The following TRIM41 variants were observed in gnomAD, a reference collection of about 807,000 sequenced individuals.
TRIM41 encodes the protein tripartite motif containing 41, also known as E3 ubiquitin-protein ligase TRIM41.
TRIM41 carries 21 observed loss-of-function variants against 60.6 expected under a neutral mutation model. The observed-to-expected ratio is 0.35, with a 90% CI of 0.25 to 0.50. The LOEUF is 0.50. Among genes scored for constraint, TRIM41 ranks in the 20% least tolerant of loss-of-function variants. TRIM41 has a pLI of 0.98. For missense variants in TRIM41, 846 were observed against 868.3 expected (o/e 0.97, Z 0.32); for synonymous variants, 407 against 344.9 (o/e 1.18, Z -2.00).
chr5:181,224,640 C>T lies in TRIM41; in HGVS notation c.641C>T (p.Thr214Ile). 1.2e-6 allele frequency: 2 copies of T among 1,614,236 alleles called. No individual in the cohort carries two copies. Among genetic ancestry groups the T allele is most frequent in the Non-Finnish European group, 1.7e-6 (2 of 1,180,048 alleles). Reference protein sequence around the residue: ...MVQVIRQMHPTPGRGSRVTDQ... With the variant: ...MVQVIRQMHPIPGRGSRVTDQ... ...CAGGTGATTCGGCAGATGCACCCAA[C>T]CCCTGGTCGAGGGAGCCGCGTGACC... Residue 214 changes from threonine to isoleucine, a missense_variant, in exon 1 of 6, where the codon ACC (threonine) becomes ATC (isoleucine). Transcript: ENST00000315073.
chr5:181,224,248 C>T lies in TRIM41; in HGVS notation c.249C>T (p.Asp83=). Residue 83 remains aspartate (D), a synonymous_variant, in exon 1 of 6, where the codon GAC becomes GAT. Coordinates refer to ENST00000315073, the MANE Select transcript of TRIM41 (RefSeq NM_033549.5). ...VEAVGAGAGW[D]TPMRDEDYEG... is the part of the protein sequence containing the mutation. ...CTGTGGGGGCTGGCGCGGGGTGGGA[C>T]ACCCCCATGCGGGATGAAGACTACG... 1.2e-6 allele frequency: 2 copies of T among 1,613,542 alleles called. No individual in the cohort carries two copies. Among genetic ancestry groups the T allele is most frequent in the Non-Finnish European group, 8.5e-7 (1 of 1,179,804 alleles).
rs1379745138 is a variant in TRIM41 at position 181,230,965 on chromosome 5, T to A, written c.909+126T>A. 6 of 788,600 alleles carry A rather than the reference T, an allele frequency of 7.6e-6. No individual in the cohort carries two copies. The African/African-American group carries it at 1.0e-4, about 14-fold the overall frequency. 48.9% of individuals were successfully genotyped at this position (788,600 alleles called of 1,614,324 possible). A position where few individuals can be genotyped will look rare whatever the true frequency, so the allele number is the denominator to read the frequency against. On this transcript the variant is annotated intron_variant, in intron 2 of 5. Coordinates refer to ENST00000315073, the MANE Select transcript of TRIM41 (RefSeq NM_033549.5). ...GGACAGCTAAGGCCTGGGAGAGGGG[T>A]AGATGCTTTCCCTAGGTGCTGAGGA...
chr5:181,235,082 A>G lies in TRIM41; in HGVS notation c.*307A>G. The G allele has an allele frequency of 1.2e-6, 2 of 1,607,546 alleles. No individual in the cohort carries two copies. The highest frequency in any genetic ancestry group is 8.5e-7 in the Non-Finnish European group (1 of 1,177,486). ...CCAGCCCTGGGACTGGAATTTGAGT[A>G]GGGGATGAGGGGAAATTGTAATTTC... On this transcript the variant is annotated 3_prime_UTR_variant, in exon 6 of 6. Transcript: ENST00000315073.
chr5:181,235,121 C>A lies in TRIM41; in HGVS notation c.*346C>A, dbSNP rs917859212. 3.2e-6 allele frequency: 5 copies of A among 1,581,906 alleles called. No individual in the cohort carries two copies. The African/African-American group carries it at 6.7e-5, about 21-fold the overall frequency. On this transcript the variant is annotated 3_prime_UTR_variant, in exon 6 of 6. Coordinates refer to ENST00000315073, the MANE Select transcript of TRIM41 (RefSeq NM_033549.5). ...AATTGTAATTTCATTCCTTAACTTC[C>A]TTTTCCCCACCCCTGCTCTTCAACC... is the stretch of plus-strand genomic sequence containing the variant.
intron 1 of TRIM41, chr5:181,225,553 AT>A (rs1758510827): frequency 6.6e-6 from 1 of 152,558 alleles, no homozygotes; most frequent in African/African-American, 2.4e-5. Context: ...TATGTTTTCC[AT>A]TCCCATTTTA....
At chr5:181,225,645 T>C (rs2113149840) in intron 1 of TRIM41, 1 of 152,330 alleles carries the variant, frequency 6.6e-6, no homozygotes, top group South Asian at 2.1e-4. Flanking sequence ...ACTTAGTTAT[T>C]TACTGTCCCT....
chr5:181,224,288 G>A lies in TRIM41; in HGVS notation c.289G>A (p.Glu97Lys), dbSNP rs1340472425. 1 of 1,614,200 alleles carries A rather than the reference G, an allele frequency of 6.2e-7. No homozygotes were observed. Among genetic ancestry groups the A allele is most frequent in the African/African-American group, 1.3e-5 (1 of 75,054 alleles). The change falls in exon 1 of 6, where the codon GAG becomes AAG. Residue 97 changes from glutamate (E) to lysine (K), a missense_variant. Physicochemically the swap from Glu to Lys is moderately conservative, Grantham distance 56 (BLOSUM62 1). Transcript: ENST00000315073. Reference sequence around the variant, plus strand: ...TGAAGACTACGAGGGTGACATGGAGGAGGAGGTCGAGGAGGAAGAAGAGGG... The same window carrying A: ...TGAAGACTACGAGGGTGACATGGAGAAGGAGGTCGAGGAGGAAGAAGAGGG... ...RDEDYEGDME[E>K]EVEEEEEGVF...
intron 2 of TRIM41, 78 bp from the exon 3 acceptor site, chr5:181,232,581 G>C: frequency 7.2e-7 from 1 of 1,379,996 alleles, no homozygotes; most frequent in Non-Finnish European, 1.0e-6. Context: ...CTTGCATTGA[G>C]AAGTAGTAGT....
At position 181,224,032 on chromosome 5, in the gene TRIM41, G is replaced by A; in HGVS notation, c.33G>A (p.Val11=). 1.9e-6 allele frequency: 3 copies of A among 1,614,140 alleles called. No individual in the cohort carries two copies. Among genetic ancestry groups the A allele is most frequent in the Non-Finnish European group, 2.5e-6 (3 of 1,180,024 alleles). Residue 11 remains valine (V), a synonymous_variant, in exon 1 of 6, where the codon GTG becomes GTA. Coordinates refer to ENST00000315073, the MANE Select transcript of TRIM41 (RefSeq NM_033549.5). Reference sequence around the variant, plus strand: ...CCGTTGCCATGACACCCAACCCTGTGCAGACCCTTCAGGAGGAGGCGGTGT... The same window carrying A: ...CCGTTGCCATGACACCCAACCCTGTACAGACCCTTCAGGAGGAGGCGGTGT... MAAVAMTPNP[V]QTLQEEAVCA...
At position 181,234,399 on chromosome 5, in the gene TRIM41, C is replaced by T. The variant is rs1758968927; in HGVS notation, c.1517C>T (p.Ser506Leu). The T allele has an allele frequency of 6.4e-7, 1 of 1,558,696 alleles. No individual in the cohort carries two copies. The highest frequency in any genetic ancestry group is 1.4e-5 in the African/African-American group (1 of 73,254). The change falls in exon 6 of 6, where the codon TCA becomes TTA. Residue 506 changes from serine to leucine, a missense_variant. Transcript: ENST00000315073. The surrounding 1 kb of genome is among the most constrained non-coding windows in gnomAD (Gnocchi z 5.6). ...TGGGCGGTGGGTGCTGCCCGTGAAT[C>T]AACCCATCATAAGGAAAAGGTGGGC... Reference protein sequence around the residue: ...RGWAVGAARESTHHKEKVGPG... With the variant: ...RGWAVGAARELTHHKEKVGPG...
rs778188838 is a variant in TRIM41, at chr5:181,234,677, G to A, written c.1795G>A (p.Ala599Thr). Residue 599 changes from alanine (A) to threonine (T), a missense_variant, in exon 6 of 6, where the codon GCC (alanine) becomes ACC (threonine). Transcript: ENST00000315073. The surrounding 1 kb of genome is among the most constrained non-coding windows in gnomAD (Gnocchi z 5.6). The part of the protein sequence containing the change: ...RLGFYNAETL[A>T]HVHTFSAAFL... The stretch of plus-strand genomic sequence containing the variant: ...GGGCTTCTACAACGCAGAGACTCTA[G>A]CCCACGTGCACACCTTCTCGGCTGC... 3 of 1,614,204 alleles carry A rather than the reference G, an allele frequency of 1.9e-6. No individual in the cohort carries two copies. Among genetic ancestry groups the A allele is most frequent in the South Asian group, 2.2e-5 (2 of 91,084 alleles).
rs148929398 is a variant in TRIM41 at position 181,234,751 on chromosome 5, C to T, written c.1869C>T (p.Gly623=). 109 of 1,612,870 alleles carry T rather than the reference C, an allele frequency of 6.8e-5. No individual in the cohort carries two copies. In the Middle Eastern group the frequency reaches 1.3e-3, roughly 19 times the overall value. The change falls in exon 6 of 6, where the codon GGC becomes GGT. Residue 623 remains glycine (G), a synonymous_variant. Coordinates refer to ENST00000315073, the MANE Select transcript of TRIM41 (RefSeq NM_033549.5). This position sits in a 1 kb window ranked among gnomAD's most constrained non-coding sequence, Gnocchi z 5.6. ...VFPFFRVLSK[G]TRIKLCP ...CTTTCTTCCGGGTGCTCTCCAAGGG[C>T]ACCCGCATCAAGCTCTGCCCTTGAT...
chr5:181,232,432 G>A (rs1366954612), intron 2 of TRIM41: 1 of 538,526 alleles, frequency 1.9e-6, no homozygotes. Context: ...GAGTCAGGTG[G>A]AGAGGAGTGT....
rs182475195 is a variant in TRIM41, at chr5:181,234,817, G to A, written c.*42G>A. The A allele has an allele frequency of 7.1e-5, 114 of 1,606,620 alleles. No individual in the cohort carries two copies. Among genetic ancestry groups the A allele is most frequent in the Non-Finnish European group, 8.6e-5 (101 of 1,176,136 alleles). On this transcript the variant is annotated 3_prime_UTR_variant, in exon 6 of 6. Coordinates refer to ENST00000315073, the MANE Select transcript of TRIM41 (RefSeq NM_033549.5). The surrounding 1 kb of genome is among the most constrained non-coding windows in gnomAD (Gnocchi z 5.6). ...AGGGGCCCCTCTGTCAGCACTTGGG[G>A]GGTGGGTGGTGGAGGGTGGCCCGTA...
chr5:181,230,754 A>G lies in TRIM41; in HGVS notation c.824A>G (p.Gln275Arg). Residue 275 changes from glutamine (Q) to arginine (R), a missense_variant, in exon 2 of 6, where the codon CAG (glutamine) becomes CGG (arginine). Gln to Arg is a conservative substitution (Grantham distance 43, BLOSUM62 1). Coordinates refer to ENST00000315073, the MANE Select transcript of TRIM41 (RefSeq NM_033549.5). ...TTTCTGTTTCCTCAGGCCAAACTGC[A>G]GGGGCACGTGGAACCACTGAGGAAG... ...EVVQEYKAKLQGHVEPLRKHL... is the reference protein window; with the variant it reads ...EVVQEYKAKLRGHVEPLRKHL... The G allele has an allele frequency of 6.2e-7, 1 of 1,612,866 alleles. No individual in the cohort carries two copies. Among genetic ancestry groups the G allele is most frequent in the Non-Finnish European group, 8.5e-7 (1 of 1,179,230 alleles).
chr5:181,229,535 CAG>C (rs1481809129), intron 1 of TRIM41: 3 of 152,232 alleles, frequency 2.0e-5, no homozygotes, highest in African/African-American at 7.2e-5. Flanking sequence ...TGTAGAAACA[CAG>C]AGCTCGTGTG....
rs1758430552 is a variant in TRIM41 at position 181,224,212 on chromosome 5, G to A, written c.213G>A (p.Glu71=). 4 of 1,613,562 alleles carry A rather than the reference G, an allele frequency of 2.5e-6. No individual in the cohort carries two copies. Among genetic ancestry groups the A allele is most frequent in the Non-Finnish European group, 3.4e-6 (4 of 1,179,838 alleles). The change falls in exon 1 of 6, where the codon GAG becomes GAA. Residue 71 remains glutamate (E), a synonymous_variant. Transcript: ENST00000315073. Reference sequence around the variant, plus strand: ...AGGAGGAGGAGGACGGAGAGGAGGAGGAAGTGGAGGCTGTGGGGGCTGGCG... The same window carrying A: ...AGGAGGAGGAGGACGGAGAGGAGGAAGAAGTGGAGGCTGTGGGGGCTGGCG... The part of the protein sequence containing the change: ...REEEEEDGEE[E]EVEAVGAGAG...
At chr5:181,227,236 A>G (rs1173329519) in intron 1 of TRIM41, 1 of 152,196 alleles carries the variant, frequency 6.6e-6, no homozygotes, top group African/African-American at 2.4e-5. Context: ...ACACATATTT[A>G]ATCTGACATT....
intron 1 of TRIM41, chr5:181,227,295 T>A (rs1758592790): frequency 6.6e-6 from 1 of 152,216 alleles, no homozygotes; most frequent in Non-Finnish European, 1.5e-5. Flanking sequence ...AGGACTAATT[T>A]GAGTGATTCC....
Sources: allele counts gnomAD v4.1 joint callset, GRCh38; gene constraint gnomAD v4.1.1; non-coding constraint Gnocchi (gnomAD v3.1); transcripts MANE v1.5; gene names NCBI Gene and HGNC (gene_info 2026-07-23, HGNC 2026-07-21).